The following ARHGAP42 variants were observed in gnomAD, a reference collection of about 807,000 sequenced individuals.
ARHGAP42 encodes Rho GTPase activating protein 42, also known as rho GTPase-activating protein 42.
Under a neutral mutation model 125.0 loss-of-function variants are expected in ARHGAP42, and 63 were observed. The observed-to-expected ratio is 0.50, with a 90% CI of 0.41 to 0.62. The LOEUF (loss-of-function observed/expected upper bound fraction) is 0.62. ARHGAP42 is among the 20% of genes least tolerant of loss of function. The pLI, the probability that ARHGAP42 is intolerant of heterozygous loss-of-function variation, is 0.00. For synonymous variants in ARHGAP42, 339 were observed against 351.0 expected (o/e 0.97, Z 0.38); for missense variants, 766 against 1,024.2 (o/e 0.75, Z 3.44).
intron 1 of ARHGAP42, among the ~76,000 whole-genome samples, chr11:100,705,933 T>C (rs1861475631): frequency 6.6e-6 from 1 of 151,978 alleles, no homozygotes; most frequent in Non-Finnish European, 1.5e-5. Flanking sequence ...TGAATGTGCC[T>C]TGCAGTGGGA....
At chr11:100,764,729 A>T (rs2076538539) in intron 1 of ARHGAP42, among the ~76,000 whole-genome samples, 1 of 152,222 alleles carries the variant, frequency 6.6e-6, no homozygotes, top group African/African-American at 2.4e-5. Flanking sequence ...TGGAGTATTT[A>T]CCCAATTTGC....
At chr11:100,764,028 T>C (rs11224437) in intron 1 of ARHGAP42, among the ~76,000 whole-genome samples, 8,037 of 141,340 alleles carry the variant, frequency 0.057, 254 homozygotes, top group East Asian at 0.17. Flanking sequence ...TCTTCTTCTT[T>C]TTTTTTTTTT....
chr11:100,975,690 A>G (rs549260886), intron 19 of ARHGAP42, among the ~76,000 whole-genome samples: 1 of 152,308 alleles, frequency 6.6e-6, no homozygotes, highest in South Asian at 2.1e-4. Flanking sequence ...ATTCCTTGTA[A>G]TATCATGAAG....
chr11:100,991,462 AC>A lies in ARHGAP42; in HGVS notation c.*2663del, dbSNP rs1423610183. On this transcript the variant is annotated 3_prime_UTR_variant, in exon 24 of 24. Coordinates refer to ENST00000298815, the MANE Select transcript of ARHGAP42 (RefSeq NM_152432.4). ...CACATCCATATCTTCAAAACACGCA[AC>A]CTCTGCACCCTAATAACTGCTTACG... The A allele has an allele frequency of 1.3e-5, 2 of 152,086 alleles. No homozygotes were observed. Among genetic ancestry groups the A allele is most frequent in the Non-Finnish European group, 2.9e-5 (2 of 68,004 alleles). The allele number at this position is 152,086 out of a possible 1,614,324, so 9.4% of individuals were successfully genotyped here.
At chr11:100,750,681 A>G (rs1253245639) in intron 1 of ARHGAP42, among the ~76,000 whole-genome samples, 3 of 152,094 alleles carry the variant, frequency 2.0e-5, no homozygotes, top group Non-Finnish European at 4.4e-5. Context: ...ATGGCAGAGC[A>G]GGAAATCGGA....
chr11:100,837,666 CTTT>C (rs373059302), intron 3 of ARHGAP42, among the ~76,000 whole-genome samples: 96 of 60,954 alleles, frequency 1.6e-3, no homozygotes, highest in Non-Finnish European at 2.1e-3. Flanking sequence ...AGGTGTCATC[CTTT>C]TTTTTTTTTT....
intron 10 of ARHGAP42, among the ~76,000 whole-genome samples, chr11:100,946,681 A>G (rs1279120579): frequency 6.6e-6 from 1 of 152,090 alleles, no homozygotes; most frequent in Non-Finnish European, 1.5e-5. Flanking sequence ...TTGCCATCTT[A>G]TGTGGACATG....
intron 1 of ARHGAP42, among the ~76,000 whole-genome samples, chr11:100,691,120 C>T (rs1861182356): frequency 6.6e-6 from 1 of 152,104 alleles, no homozygotes; most frequent in African/African-American, 2.4e-5. Context: ...TGTTATATGC[C>T]ACATAGATAT....
chr11:100,691,952 A>T (rs1371620991), intron 1 of ARHGAP42, among the ~76,000 whole-genome samples: 8 of 152,218 alleles, frequency 5.3e-5, no homozygotes, highest in Non-Finnish European at 1.0e-4. Context: ...TGTCTATCAA[A>T]ACATTATATT....
intron 1 of ARHGAP42, among the ~76,000 whole-genome samples, chr11:100,753,133 T>C (rs1345393508): frequency 6.6e-6 from 1 of 152,072 alleles, no homozygotes; most frequent in Admixed American, 6.5e-5. Flanking sequence ...TGGTTCTCTG[T>C]GTACAGGGCA....
At chr11:100,888,508 G>A (rs994625969) in intron 4 of ARHGAP42, among the ~76,000 whole-genome samples, 1 of 152,078 alleles carries the variant, frequency 6.6e-6, no homozygotes, top group African/African-American at 2.4e-5. Flanking sequence ...TCTTTGGCCA[G>A]TTAACTAAAA....
At chr11:100,698,461 AC>A (rs1483087079) in intron 1 of ARHGAP42, among the ~76,000 whole-genome samples, 2 of 152,206 alleles carry the variant, frequency 1.3e-5, no homozygotes, top group Non-Finnish European at 2.9e-5. Context: ...ACAGAGCGAG[AC>A]CCTGTCTTAA....
intron 4 of ARHGAP42, among the ~76,000 whole-genome samples, chr11:100,897,847 G>T (rs940569615): frequency 4.6e-5 from 7 of 152,120 alleles, no homozygotes; most frequent in Admixed American, 2.0e-4. Context: ...TCTCTTGCCT[G>T]ATTGCCCCGG....
intron 3 of ARHGAP42, among the ~76,000 whole-genome samples, chr11:100,799,194 T>A (rs614615): frequency 6.6e-6 from 1 of 151,946 alleles, no homozygotes; most frequent in African/African-American, 2.4e-5. Context: ...ATTACTTTGG[T>A]AGCCATGTGA....
rs569847864 is a variant in ARHGAP42, at chr11:100,871,741, G to C, written c.384+12116G>C. On this transcript the variant is annotated intron_variant, in intron 4 of 23. Coordinates refer to ENST00000298815, the MANE Select transcript of ARHGAP42 (RefSeq NM_152432.4). The stretch of plus-strand genomic sequence containing the variant: ...CAGCATTTGCTGAACATCACTGTTA[G>C]GTTCATTTGTTCTTTTTTTTAGATG... Among the ~76,000 whole-genome samples the C allele has an allele frequency of 1.3e-4, 20 of 152,194 alleles. No homozygotes were observed. In the South Asian group the frequency reaches 4.1e-3, roughly 32 times the overall value.
chr11:100,707,432 G>A (rs1388694360), intron 1 of ARHGAP42, among the ~76,000 whole-genome samples: 1 of 152,156 alleles, frequency 6.6e-6, no homozygotes, highest in African/African-American at 2.4e-5. Flanking sequence ...TTCAGACAGG[G>A]CCTTTATATG....
chr11:100,962,787 G>A (rs1857988723), intron 16 of ARHGAP42, among the ~76,000 whole-genome samples: 2 of 152,008 alleles, frequency 1.3e-5, no homozygotes, highest in South Asian at 4.1e-4. Flanking sequence ...GAGGCAGGAG[G>A]ATCACTTGAA....
intron 22 of ARHGAP42, among the ~76,000 whole-genome samples, chr11:100,984,160 T>C (rs1288155328): frequency 6.6e-6 from 1 of 151,516 alleles, no homozygotes; most frequent in East Asian, 1.9e-4. Flanking sequence ...CTCCAATTAG[T>C]GCCAAAGGAA....
intron 3 of ARHGAP42, 55 bp downstream of exon 3, chr11:100,795,221 GA>G: frequency 7.6e-7 from 1 of 1,324,232 alleles, no homozygotes; most frequent in Non-Finnish European, 1.0e-6. Flanking sequence ...ATATTAAAGA[GA>G]AAGAATGGAC....
Sources: gnomAD v4.1 joint callset for allele counts (sites outside exome capture counted in the v4.1 genomes callset) on GRCh38, gnomAD v4.1.1 for gene constraint, MANE v1.5 for transcripts, NCBI Gene and HGNC (gene_info 2026-07-23, HGNC 2026-07-21) for gene names.